Variants in CDYL observed in about 807,000 individuals in gnomAD.
The protein encoded by CDYL is chromodomain Y-like protein.
In CDYL, 8 loss-of-function variants were observed where a neutral mutation model predicts 47.3. The observed-to-expected ratio is 0.17, with a 90% CI of 0.10 to 0.31. CDYL has a LOEUF of 0.31. Among genes scored for constraint, CDYL ranks in the 10% least tolerant of loss-of-function variants. The probability of loss-of-function intolerance (pLI) is 1.00; values close to 1 mark genes in which losing one functional copy is unlikely to be tolerated. For missense variants in CDYL, 471 were observed against 701.4 expected, an observed-to-expected ratio of 0.67 and a Z score of 3.71; for synonymous variants, 266 against 265.0, an observed-to-expected ratio of 1.00 and a Z score of -0.04.
chr6:4,937,943 A>G (rs995395860), intron 4 of CDYL, among the ~76,000 whole-genome samples: 15 of 152,214 alleles, frequency 9.9e-5, no homozygotes, highest in African/African-American at 3.1e-4. Flanking sequence ...AATCTTTTCT[A>G]TGGGCCTGCC....
intron 2 of CDYL, among the ~76,000 whole-genome samples, chr6:4,925,718 G>A (rs1757853429): frequency 6.6e-6 from 1 of 152,108 alleles, no homozygotes; most frequent in Non-Finnish European, 1.5e-5. Flanking sequence ...TCCTCCAGCT[G>A]GGAGAGTAGG....
intron 1 of CDYL, among the ~76,000 whole-genome samples, chr6:4,780,207 C>T (rs1428979336): frequency 6.6e-6 from 1 of 151,644 alleles, no homozygotes; most frequent in Non-Finnish European, 1.5e-5. Flanking sequence ...AATCCTCCCT[C>T]CTTTCCTCCT....
Position 4,854,050 on chromosome 6 carries a change from C to G in CDYL, c.25-37663C>G, listed in dbSNP as rs9504272. Among the ~76,000 whole-genome samples, 656 of 152,336 alleles carry G rather than the reference C, an allele frequency of 4.3e-3. 3 individuals are homozygous for G. The highest frequency in any genetic ancestry group is 0.015 in the African/African-American group (612 of 41,578). ...GGTGAGTCCCCTTGAAGTGTGTGTA[C>G]TTTGCACACGTGTCCCTGGGGGTGT... On this transcript the variant is annotated intron_variant, in intron 1 of 6. Transcript: ENST00000397588.
At chr6:4,938,314 C>T (rs1758262918) in intron 4 of CDYL, among the ~76,000 whole-genome samples, 1 of 151,842 alleles carries the variant, frequency 6.6e-6, no homozygotes, top group African/African-American at 2.4e-5. Flanking sequence ...GACAGAGAAC[C>T]AGATAGTAGG....
At chr6:4,953,798 T>G in intron 6 of CDYL, 100 bp from the exon 7 acceptor site, 1 of 1,111,052 alleles carries the variant, frequency 9.0e-7, no homozygotes, top group Non-Finnish European at 1.3e-6. Context: ...TAACAGGTGA[T>G]TGCTGGAATT....
chr6:4,873,476 C>T (rs1311934761), intron 1 of CDYL, among the ~76,000 whole-genome samples: 1 of 152,042 alleles, frequency 6.6e-6, no homozygotes, highest in Non-Finnish European at 1.5e-5. Flanking sequence ...AGAGACATTT[C>T]ATTGCTGTGG....
chr6:4,725,548 CCT>C (rs923877465), intron 2 of CDYL, among the ~76,000 whole-genome samples: 3 of 152,250 alleles, frequency 2.0e-5, no homozygotes, highest in African/African-American at 7.2e-5. Flanking sequence ...AGGTGCTAGG[CCT>C]CTCACTGCCC....
chr6:4,749,567 T>C (rs999800802), intron 3 of CDYL, among the ~76,000 whole-genome samples: 12 of 152,260 alleles, frequency 7.9e-5, no homozygotes, highest in African/African-American at 2.7e-4. Flanking sequence ...TTGAATAGAC[T>C]GTTTCAATGT....
At chr6:4,931,899 A>T (rs1451956714) in intron 2 of CDYL, among the ~76,000 whole-genome samples, 2 of 152,222 alleles carry the variant, frequency 1.3e-5, no homozygotes, top group African/African-American at 4.8e-5. Flanking sequence ...AGAACCACGG[A>T]TAGTTCGTAG....
rs70974139 is a variant in CDYL, at chr6:4,807,591, CTTTTTTTT to C, written c.24+30806_24+30813del. 8.2e-3 allele frequency among the ~76,000 whole-genome samples: 353 copies of C among 42,944 alleles called. 5 individuals carry two copies. Among genetic ancestry groups the C allele is most frequent in the African/African-American group, 0.03 (342 of 11,298 alleles). 28.2% of individuals were successfully genotyped at this position (42,944 alleles called of 152,430 possible). On this transcript the variant is annotated intron_variant, in intron 1 of 6. Coordinates refer to ENST00000397588, the MANE Select transcript of CDYL (RefSeq NM_004824.4). ...TTCTCTGTATATCATTCATTCATGT[CTTTTTTTT>C]TTTTTTTTTTTTTTTTTTTTTGGAG... is the stretch of plus-strand genomic sequence containing the variant.
At chr6:4,919,975 TAGAC>T (rs539520787) in intron 2 of CDYL, among the ~76,000 whole-genome samples, 154 of 152,032 alleles carry the variant, frequency 1.0e-3, no homozygotes, top group African/African-American at 3.5e-3. Context: ...GCTGAATAAA[TAGAC>T]AAAATGTGGC....
At chr6:4,773,096 A>T (rs6908435), upstream of CDYL, 82,967 of 457,062 alleles carry the variant, frequency 0.18, 10,921 homozygotes, top group African/African-American at 0.48. This position sits in a 1 kb window ranked among gnomAD's most constrained non-coding sequence, Gnocchi z 4.6. Flanking sequence ...TCGTCGGTAG[A>T]ACTTGCCATC....
intron 3 of CDYL, among the ~76,000 whole-genome samples, chr6:4,768,516 A>G (rs148392519): frequency 4.2e-4 from 64 of 152,336 alleles, no homozygotes; most frequent in African/African-American, 1.4e-3. Flanking sequence ...TGATCAAGGA[A>G]ATAAATAATG....
At chr6:4,916,607 G>A (rs1316729321) in intron 2 of CDYL, among the ~76,000 whole-genome samples, 1 of 2,786 alleles carries the variant, frequency 3.6e-4, no homozygotes, top group African/African-American at 6.5e-4. Context: ...CAGATGTATC[G>A]GGGGGGGGCG....
At chr6:4,946,705 G>A (rs1012738357) in intron 5 of CDYL, among the ~76,000 whole-genome samples, 2 of 91,982 alleles carry the variant, frequency 2.2e-5, no homozygotes, top group South Asian at 4.3e-4. Context: ...GCTCGTGGTG[G>A]TCACTCCCCA....
At chr6:4,843,805 C>T (rs887868208) in intron 1 of CDYL, among the ~76,000 whole-genome samples, 1 of 152,080 alleles carries the variant, frequency 6.6e-6, no homozygotes, top group East Asian at 1.9e-4. Context: ...AATAATCGAC[C>T]TGCTGAATTC....
At chr6:4,941,890 C>T (rs959568598) in intron 4 of CDYL, among the ~76,000 whole-genome samples, 1 of 152,174 alleles carries the variant, frequency 6.6e-6, no homozygotes, top group African/African-American at 2.4e-5. Flanking sequence ...GAAATTGGAG[C>T]TACTCAGATT....
intron 2 of CDYL, among the ~76,000 whole-genome samples, chr6:4,906,030 CA>C (rs1411732281): frequency 4.6e-5 from 7 of 152,164 alleles, no homozygotes; most frequent in Non-Finnish European, 2.9e-5. Flanking sequence ...ATTGTAAAAT[CA>C]AATGGTAAGA....
At chr6:4,715,265 G>A (rs1317405257) in intron 1 of CDYL, among the ~76,000 whole-genome samples, 1 of 151,880 alleles carries the variant, frequency 6.6e-6, no homozygotes, top group Admixed American at 6.6e-5. Flanking sequence ...CTACCAGACT[G>A]TAGACCACAT....
Sources: gnomAD v4.1 joint callset for allele counts (sites outside exome capture counted in the v4.1 genomes callset) on GRCh38, gnomAD v4.1.1 for gene constraint, Gnocchi (gnomAD v3.1) non-coding constraint, MANE v1.5 for transcripts, NCBI Gene and HGNC (gene_info 2026-07-23, HGNC 2026-07-21) for gene names.